Variants in RYR3 observed in about 807,000 individuals in gnomAD.
RYR3 encodes brain ryanodine receptor-calcium release channel.
In RYR3, 207 loss-of-function variants were observed where a neutral mutation model predicts 584.3. The ratio of observed to expected loss-of-function variants is 0.35; its 90% CI spans 0.32 to 0.40. The LOEUF (loss-of-function observed/expected upper bound fraction) is 0.40. RYR3 is among the 10% of genes least tolerant of loss of function. The pLI is 1.00. For missense variants in RYR3, 5,616 were observed against 6,089.2 expected (o/e 0.92, Z 2.59); for synonymous variants, 2,416 against 2,248.5 (o/e 1.07, Z -2.11).
At chr15:33,559,669 G>A (rs552894338) in intron 10 of RYR3, among the ~76,000 whole-genome samples, 26 of 152,310 alleles carry the variant, frequency 1.7e-4, no homozygotes, top group African/African-American at 4.8e-4. Context: ...CTCCTGGAAT[G>A]TATGAGCCAG....
intron 67 of RYR3, among the ~76,000 whole-genome samples, chr15:33,800,025 C>G (rs2075839180): frequency 6.6e-6 from 1 of 152,168 alleles, no homozygotes; most frequent in Non-Finnish European, 1.5e-5. Flanking sequence ...AATATGTAAG[C>G]TACTTCACGG....
At chr15:33,757,680 C>A in intron 60 of RYR3, 84 bp downstream of exon 60, 1 of 1,441,364 alleles carries the variant, frequency 6.9e-7, no homozygotes, top group South Asian at 1.3e-5. Flanking sequence ...AAAGGCGAGT[C>A]TTTTGGAGAA....
intron 19 of RYR3, among the ~76,000 whole-genome samples, chr15:33,618,259 C>A (rs1595854976): frequency 1.3e-5 from 2 of 152,262 alleles, no homozygotes; most frequent in Middle Eastern, 6.8e-3. Flanking sequence ...TTATGTAACT[C>A]TTTTGCCAGC....
chr15:33,687,137 G>A (rs149080691), intron 38 of RYR3, among the ~76,000 whole-genome samples: 241 of 152,306 alleles, frequency 1.6e-3, no homozygotes, highest in African/African-American at 5.5e-3. Flanking sequence ...GTCCCTGTTT[G>A]CCAATGACAT....
chr15:33,802,567 C>A (rs1253901568), intron 69 of RYR3, among the ~76,000 whole-genome samples: 1 of 152,142 alleles, frequency 6.6e-6, no homozygotes, highest in South Asian at 2.1e-4. Context: ...TAGAGAGGAG[C>A]ATAGCAGGAA....
intron 1 of RYR3, among the ~76,000 whole-genome samples, chr15:33,425,887 C>T (rs2044611434): frequency 6.6e-6 from 1 of 152,132 alleles, no homozygotes; most frequent in Non-Finnish European, 1.5e-5. Context: ...CGTGATCCGC[C>T]CGCCTTGGCC....
chr15:33,795,754 C>T (rs1018996330), intron 67 of RYR3, among the ~76,000 whole-genome samples: 9 of 152,044 alleles, frequency 5.9e-5, no homozygotes, highest in Non-Finnish European at 1.2e-4. Flanking sequence ...TGGTCTCGAA[C>T]TCGTGACCTC....
At chr15:33,631,363 G>T in intron 23 of RYR3, 70 bp downstream of exon 23, 4 of 1,038,120 alleles carry the variant, frequency 3.9e-6, no homozygotes, top group Non-Finnish European at 5.8e-6. Context: ...CAGGAGGGTG[G>T]TACCAAGACA....
chr15:33,742,544 C>T, intron 52 of RYR3, 100 bp downstream of exon 52: 3 of 794,484 alleles, frequency 3.8e-6, no homozygotes, highest in Non-Finnish European at 6.4e-6. Context: ...GTCTAAGTAA[C>T]AGATTTTCCA....
rs753776100 is a variant in RYR3, at chr15:33,857,932, G to T, written c.14142+18G>T. ...TGATGACGGTGAGAGCCCACCCACT[G>T]CGGGGCCAGCCCACCCACTGCGGGG... On this transcript the variant is annotated intron_variant, in intron 99 of 103. Transcript: ENST00000634891. The T allele has an allele frequency of 2.9e-6, 4 of 1,379,670 alleles. No individual in the cohort carries two copies. The highest frequency in any genetic ancestry group is 3.9e-6 in the Non-Finnish European group (4 of 1,037,536). 85.5% of individuals were successfully genotyped at this position (1,379,670 alleles called of 1,614,324 possible).
chr15:33,527,138 A>C (rs558658563), intron 3 of RYR3, among the ~76,000 whole-genome samples: 2 of 152,176 alleles, frequency 1.3e-5, no homozygotes, highest in Non-Finnish European at 2.9e-5. Context: ...CATACAGGGC[A>C]GTGATATGCA....
intron 27 of RYR3, among the ~76,000 whole-genome samples, chr15:33,639,549 C>T (rs2061681899): frequency 1.3e-5 from 2 of 152,132 alleles, no homozygotes; most frequent in Non-Finnish European, 2.9e-5. Context: ...TGCATTGTAG[C>T]GCCTACCTCC....
chr15:33,844,902 C>T lies in RYR3; in HGVS notation c.13337C>T (p.Ala4446Val). The part of the protein sequence containing the change: ...EPLEEETEDV[A>V]NLWNSFNDEE... ...TTAGAAGAAGAGACAGAGGATGTTG[C>T]AAACCTATGGAATTCCTTTAATGAC... The change falls in exon 93 of 104, where the codon GCA (alanine) becomes GTA (valine). Residue 4446 changes from alanine to valine, a missense_variant. Ala to Val is a moderately conservative substitution (Grantham distance 64). Coordinates refer to ENST00000634891, the MANE Select transcript of RYR3 (RefSeq NM_001036.6). 1.9e-6 allele frequency: 3 copies of T among 1,614,022 alleles called. No individual in the cohort carries two copies. The highest frequency in any genetic ancestry group is 1.1e-5 in the South Asian group (1 of 91,082).
chr15:33,788,429 C>G lies in RYR3; in HGVS notation c.9801C>G (p.Pro3267=), dbSNP rs750836713. 6.2e-7 allele frequency: 1 copy of G among 1,613,914 alleles called. No individual in the cohort carries two copies. The highest frequency in any genetic ancestry group is 8.5e-7 in the Non-Finnish European group (1 of 1,179,806). ...GCAGAGATCTCTATGCCTTCTACCC[C>G]ATGCTGATCCGCTACGTGGACAACA... The part of the protein sequence containing the change: ...VLCRDLYAFY[P]MLIRYVDNNR... Residue 3267 remains proline (P), a synonymous_variant, in exon 67 of 104, where the codon CCC becomes CCG. Transcript: ENST00000634891.
chr15:33,590,827 T>C (rs1217780938), intron 16 of RYR3, among the ~76,000 whole-genome samples: 4 of 152,214 alleles, frequency 2.6e-5, no homozygotes, highest in Non-Finnish European at 5.9e-5. Context: ...ATTCTTCCTG[T>C]ACCTTGCCAC....
chr15:33,510,163 G>A (rs2052849716), intron 3 of RYR3, among the ~76,000 whole-genome samples: 1 of 152,198 alleles, frequency 6.6e-6, no homozygotes, highest in Non-Finnish European at 1.5e-5. Context: ...CTCCTGGCAG[G>A]CAGCCTGTTT....
At chr15:33,735,490 G>A (rs920020434) in intron 48 of RYR3, among the ~76,000 whole-genome samples, 1 of 152,082 alleles carries the variant, frequency 6.6e-6, no homozygotes, top group Non-Finnish European at 1.5e-5. Context: ...AAAAATCCAG[G>A]GATTCATGAG....
In RYR3 at chr15:33,337,579, T is replaced by C. The variant is rs572301025; in HGVS notation, c.51+26483T>C. 1.3e-3 allele frequency among the ~76,000 whole-genome samples: 201 copies of C among 152,254 alleles called. 1 individual carries two copies. The highest frequency in any genetic ancestry group is 4.7e-3 in the African/African-American group (195 of 41,562). ...TCCAAGTGCCATTTTTTTTTGCATGTGTTCACTTTTGAACATAGATGCTAA... is the reference window on the plus strand; with the variant it reads ...TCCAAGTGCCATTTTTTTTTGCATGCGTTCACTTTTGAACATAGATGCTAA... On this transcript the variant is annotated intron_variant, in intron 1 of 103. Transcript: ENST00000634891.
In RYR3 at chr15:33,647,476, CAATTATGGTTTT is replaced by C; in HGVS notation, c.3978+23_3978+34del. 2 of 1,575,274 alleles carry C rather than the reference CAATTATGGTTTT, an allele frequency of 1.3e-6. No homozygotes were observed. On this transcript the variant is annotated intron_variant, in intron 30 of 103. Transcript: ENST00000634891. ...TACAACAACAGTAAGTAAATGTGCT[CAATTATGGTTTT>C]AATTATTTGATTCTTTGTTGTGCCT...
Sources: gnomAD v4.1 joint callset for allele counts (sites outside exome capture counted in the v4.1 genomes callset) on GRCh38, gnomAD v4.1.1 for gene constraint, MANE v1.5 for transcripts, NCBI Gene and HGNC (gene_info 2026-07-23, HGNC 2026-07-21) for gene names.